The following TLN2 variants were observed in gnomAD, a reference collection of about 807,000 sequenced individuals.
The protein encoded by TLN2 is talin-2.
Under a neutral mutation model 294.7 loss-of-function variants are expected in TLN2, and 118 were observed. The ratio of observed to expected loss-of-function variants is 0.40; its 90% CI spans 0.34 to 0.47. The LOEUF is 0.47. Among genes scored for constraint, TLN2 ranks in the 20% least tolerant of loss-of-function variants. TLN2 has a pLI of 0.84. For missense variants in TLN2, 3,083 were observed against 3,282.2 expected, an observed-to-expected ratio of 0.94 and a Z score of 1.48; for synonymous variants, 1,431 against 1,304.5, an observed-to-expected ratio of 1.10 and a Z score of -2.09.
intron 24 of TLN2, among the ~76,000 whole-genome samples, chr15:62,718,459 T>C (rs745451944): frequency 2.6e-4 from 40 of 152,198 alleles, no homozygotes; most frequent in Non-Finnish European, 4.7e-4. Flanking sequence ...TCTTCAAATC[T>C]CTGCCAAATG....
intron 1 of TLN2, among the ~76,000 whole-genome samples, chr15:62,585,182 C>T (rs1197518417): frequency 1.3e-5 from 2 of 152,182 alleles, no homozygotes; most frequent in African/African-American, 2.4e-5. Flanking sequence ...CACCCACATT[C>T]CTGTGGGGAT....
In TLN2 at chr15:62,817,018, A is replaced by C. The variant is rs1033337101; in HGVS notation, c.6772-2498A>C. 4.6e-5 allele frequency among the ~76,000 whole-genome samples: 7 copies of C among 152,020 alleles called. No homozygotes were observed. In the Middle Eastern group the frequency reaches 0.01, roughly 222 times the overall value. On this transcript the variant is annotated intron_variant, in intron 52 of 58. Transcript: ENST00000636159. ...AGAAGAATTTTATCAGTAGCTCTTT[A>C]TATATATATATTAATTTATATAACC...
chr15:62,549,775 T>C lies in TLN2; in HGVS notation c.-237-39912T>C, dbSNP rs72753896. ...TTTAAAATGGGCTTAGGGAATTGGA[T>C]AGGGCAGGGGGCAGATGTTTAGGCA... On this transcript the variant is annotated intron_variant, in intron 1 of 58. Coordinates refer to ENST00000636159, the MANE Select transcript of TLN2 (RefSeq NM_015059.3). 7.9e-3 allele frequency among the ~76,000 whole-genome samples: 1,205 copies of C among 152,172 alleles called. 12 individuals are homozygous for C. Among genetic ancestry groups the C allele is most frequent in the Non-Finnish European group, 0.012 (841 of 68,022 alleles).
At position 62,655,956 on chromosome 15, in the gene TLN2, A is replaced by G; in HGVS notation, c.530A>G (p.Asp177Gly). ...LHTDDDLNWL[D>G]HSRTFREQGV... The stretch of plus-strand genomic sequence containing the variant: ...TGTTGTGTTGCAGTAAATTGGCTGG[A>G]TCACAGCCGAACATTCAGAGAACAA... The change falls in exon 8 of 59, where the codon GAT (aspartate) becomes GGT (glycine). Residue 177 changes from aspartate to glycine, a missense_variant. Transcript: ENST00000636159. The G allele has an allele frequency of 6.2e-7, 1 of 1,614,246 alleles. No homozygotes were observed. Among genetic ancestry groups the G allele is most frequent in the Non-Finnish European group, 8.5e-7 (1 of 1,180,040 alleles).
chr15:62,752,250 C>T, intron 34 of TLN2, 55 bp from the exon 35 acceptor site: 1 of 1,598,872 alleles, frequency 6.3e-7, no homozygotes, highest in Non-Finnish European at 8.5e-7. Context: ...CCTCCTTTAC[C>T]CCTTGGTTTG....
At chr15:62,619,567 T>C (rs1053142607) in intron 3 of TLN2, among the ~76,000 whole-genome samples, 1 of 152,240 alleles carries the variant, frequency 6.6e-6, no homozygotes, top group Non-Finnish European at 1.5e-5. Flanking sequence ...AATGTGACCT[T>C]ATTTGGAAAT....
chr15:62,781,218 A>G lies in TLN2; in HGVS notation c.5593A>G (p.Ile1865Val), dbSNP rs775354082. ...QTTVVKYSKA[I>V]AVTAQEMMTK... Reference sequence around the variant, plus strand: ...GACTGTGGTTAAATACTCCAAAGCCATTGCGGTGACAGCTCAGGAAATGGT... The same window carrying G: ...GACTGTGGTTAAATACTCCAAAGCCGTTGCGGTGACAGCTCAGGAAATGGT... The change falls in exon 44 of 59, where the codon ATT (isoleucine) becomes GTT (valine). Residue 1865 changes from isoleucine to valine, a missense_variant. Physicochemically the swap from Ile to Val is conservative, Grantham distance 29 (BLOSUM62 3). Coordinates refer to ENST00000636159, the MANE Select transcript of TLN2 (RefSeq NM_015059.3). 5 of 1,614,130 alleles carry G rather than the reference A, an allele frequency of 3.1e-6. No individual in the cohort carries two copies. Among genetic ancestry groups the G allele is most frequent in the Non-Finnish European group, 3.4e-6 (4 of 1,179,992 alleles).
chr15:62,536,425 C>T (rs1441168179), intron 1 of TLN2, among the ~76,000 whole-genome samples: 1 of 152,136 alleles, frequency 6.6e-6, no homozygotes, highest in Non-Finnish European at 1.5e-5. Flanking sequence ...TTCTGTGGCA[C>T]CAATTTGGGT....
At chr15:62,648,201 G>T (rs2052128205) in intron 4 of TLN2, among the ~76,000 whole-genome samples, 1 of 151,976 alleles carries the variant, frequency 6.6e-6, no homozygotes, top group South Asian at 2.1e-4. Flanking sequence ...CGGGAAGATC[G>T]CTTGAACCCA....
chr15:62,529,469 C>G (rs980015396), intron 1 of TLN2, among the ~76,000 whole-genome samples: 2 of 151,706 alleles, frequency 1.3e-5, no homozygotes, highest in Non-Finnish European at 2.9e-5. Context: ...ACTTTACACT[C>G]AGGTGGTCTC....
At chr15:62,449,428 C>A (rs756102532) in intron 1 of TLN2, among the ~76,000 whole-genome samples, 2 of 152,120 alleles carry the variant, frequency 1.3e-5, no homozygotes, top group African/African-American at 4.8e-5. Flanking sequence ...GATGAGCTAG[C>A]TGGCAGAGGG....
rs572498090 is a variant in TLN2, at chr15:62,481,122, C to T, written c.-238+90437C>T. Among the ~76,000 whole-genome samples the T allele has an allele frequency of 9.9e-5, 15 of 152,274 alleles. No homozygotes were observed. In the Middle Eastern group the frequency reaches 0.01, roughly 104 times the overall value. On this transcript the variant is annotated intron_variant, in intron 1 of 58. Coordinates refer to ENST00000636159, the MANE Select transcript of TLN2 (RefSeq NM_015059.3). ...GACGTCTAATCACAATTCTCTTCCT[C>T]ATTGGGGATCCTGAAGGGCATGTTT... is the stretch of plus-strand genomic sequence containing the variant.
intron 33 of TLN2, among the ~76,000 whole-genome samples, chr15:62,749,985 G>T (rs1218385780): frequency 6.6e-6 from 1 of 152,126 alleles, no homozygotes; most frequent in Non-Finnish European, 1.5e-5. Flanking sequence ...AAAAACTGAG[G>T]GTTCTTACTG....
At chr15:62,508,785 C>T (rs1420259438) in intron 1 of TLN2, among the ~76,000 whole-genome samples, 3 of 151,996 alleles carry the variant, frequency 2.0e-5, no homozygotes, top group East Asian at 3.9e-4. Context: ...TCTCTATTTA[C>T]GTTTTTGTGT....
intron 1 of TLN2, among the ~76,000 whole-genome samples, chr15:62,546,307 C>T (rs187613440): frequency 8.5e-5 from 13 of 152,258 alleles, no homozygotes; most frequent in East Asian, 1.9e-4. Flanking sequence ...AGCTGGGGCA[C>T]GGCTAATCTT....
intron 1 of TLN2, among the ~76,000 whole-genome samples, chr15:62,570,286 C>G (rs2043759296): frequency 1.3e-5 from 2 of 152,194 alleles, no homozygotes; most frequent in Admixed American, 6.5e-5. Flanking sequence ...TGTCAACAGC[C>G]TGTTGCTTTC....
chr15:62,652,496 G>T (rs1596503578), intron 6 of TLN2, among the ~76,000 whole-genome samples: 1 of 152,132 alleles, frequency 6.6e-6, no homozygotes, highest in African/African-American at 2.4e-5. Context: ...TTATTAGATA[G>T]TCTTTCTTCT....
At chr15:62,579,682 C>G (rs1391365471) in intron 1 of TLN2, among the ~76,000 whole-genome samples, 1 of 152,142 alleles carries the variant, frequency 6.6e-6, no homozygotes, top group Non-Finnish European at 1.5e-5. Flanking sequence ...CTTCTCCTAG[C>G]TACAGACCCG....
At chr15:62,450,133 G>C (rs1286232263) in intron 1 of TLN2, among the ~76,000 whole-genome samples, 3 of 152,128 alleles carry the variant, frequency 2.0e-5, no homozygotes. Flanking sequence ...TCAGCTTCCA[G>C]GCCGGCCTCT....
Sources: gnomAD v4.1 joint callset for allele counts (sites outside exome capture counted in the v4.1 genomes callset) on GRCh38, gnomAD v4.1.1 for gene constraint, MANE v1.5 for transcripts, NCBI Gene and HGNC (gene_info 2026-07-23, HGNC 2026-07-21) for gene names.